Variants in METTL15 observed in about 807,000 individuals in gnomAD.
The protein encoded by METTL15 is methyltransferase 15, mitochondrial 12S rRNA N4-cytidine.
Under a neutral mutation model 38.3 loss-of-function variants are expected in METTL15, and 34 were observed. The ratio of observed to expected loss-of-function variants is 0.89; its 90% CI spans 0.68 to 1.18. The LOEUF is 1.18. METTL15 is among the 50% of genes most tolerant of loss of function. The probability of loss-of-function intolerance (pLI) is 0.00; values close to 1 mark genes in which losing one functional copy is unlikely to be tolerated. For missense variants in METTL15, 438 were observed against 498.4 expected, an observed-to-expected ratio of 0.88 and a Z score of 1.15; for synonymous variants, 162 against 170.9, an observed-to-expected ratio of 0.95 and a Z score of 0.41.
At chr11:28,152,966 C>A (rs747248113) in intron 3 of METTL15, among the ~76,000 whole-genome samples, 34 of 151,968 alleles carry the variant, frequency 2.2e-4, no homozygotes, top group Non-Finnish European at 4.4e-4. Context: ...AACTTCATGA[C>A]GTTGCCATGG....
At chr11:28,158,290 G>T (rs1850333237) in intron 3 of METTL15, among the ~76,000 whole-genome samples, 1 of 152,152 alleles carries the variant, frequency 6.6e-6, no homozygotes. Flanking sequence ...CCGTTCTGTG[G>T]ACACCTTCAG....
chr11:28,219,741 A>G (rs989977517), intron 4 of METTL15, among the ~76,000 whole-genome samples: 2 of 152,072 alleles, frequency 1.3e-5, no homozygotes, highest in South Asian at 2.1e-4. Context: ...AATGTGTCCC[A>G]TAGATTCTGG....
At chr11:28,276,151 A>G (rs941953839) in intron 4 of METTL15, among the ~76,000 whole-genome samples, 109 of 152,190 alleles carry the variant, frequency 7.2e-4, no homozygotes, top group African/African-American at 2.5e-3. Context: ...AAGGAAGTCA[A>G]ATTATTCCTC....
chr11:28,182,733 A>C (rs552715292), intron 3 of METTL15, among the ~76,000 whole-genome samples: 1 of 152,232 alleles, frequency 6.6e-6, no homozygotes, highest in East Asian at 1.9e-4. Context: ...TGTCTTGGCT[A>C]TGCGGGGTCT....
chr11:28,178,565 A>G (rs1851162916), intron 3 of METTL15, among the ~76,000 whole-genome samples: 1 of 151,820 alleles, frequency 6.6e-6, no homozygotes. Flanking sequence ...CTTTCCCTAC[A>G]AGGCCAGATA....
intron 3 of METTL15, among the ~76,000 whole-genome samples, chr11:28,119,974 C>T (rs576979338): frequency 3.3e-5 from 5 of 152,160 alleles, no homozygotes; most frequent in African/African-American, 1.2e-4. Flanking sequence ...TTTTTTGAGA[C>T]GGAGTCTCAC....
At chr11:28,530,613 A>G (rs753974038), downstream of METTL15, among the ~76,000 whole-genome samples, 11 of 152,098 alleles carry the variant, frequency 7.2e-5, no homozygotes, top group Non-Finnish European at 1.3e-4. Context: ...ACATAACGTC[A>G]CTGAACATAC....
chr11:28,122,350 T>G (rs1171874232), intron 3 of METTL15, among the ~76,000 whole-genome samples: 1 of 113,658 alleles, frequency 8.8e-6, no homozygotes, highest in Non-Finnish European at 1.8e-5. Flanking sequence ...TGTGTGTGTG[T>G]GTGTGTGTGT....
chr11:28,397,069 AC>A (rs1278115435), intron 5 of METTL15, among the ~76,000 whole-genome samples: 12 of 152,192 alleles, frequency 7.9e-5, no homozygotes, highest in Non-Finnish European at 1.8e-4. Context: ...TCCCTTCCTT[AC>A]ACTTTATACA....
intron 6 of METTL15, among the ~76,000 whole-genome samples, chr11:28,426,584 G>GC (rs1554923964): frequency 2.4e-5 from 2 of 82,342 alleles, no homozygotes; most frequent in Admixed American, 1.2e-4. Flanking sequence ...GCCAGCATCT[G>GC]TTTTTTTTTT....
chr11:28,355,414 CTTGGTCT>C (rs553519715), intron 4 of METTL15, among the ~76,000 whole-genome samples: 1 of 152,252 alleles, frequency 6.6e-6, no homozygotes, highest in Non-Finnish European at 1.5e-5. Flanking sequence ...GCCAGGTCTT[CTTGGTCT>C]TTGGAGAAGA....
intron 6 of METTL15, among the ~76,000 whole-genome samples, chr11:28,430,389 C>G (rs1361433847): frequency 1.3e-5 from 1 of 79,012 alleles, no homozygotes; most frequent in Admixed American, 1.1e-4. Context: ...GTCAGCCCCC[C>G]GCCCGGCCAG....
chr11:28,122,540 T>A (rs1178608399), intron 3 of METTL15, among the ~76,000 whole-genome samples: 3 of 151,644 alleles, frequency 2.0e-5, no homozygotes, highest in Non-Finnish European at 1.5e-5. Context: ...GGGTTAACAT[T>A]TAAAATATTG....
chr11:28,258,542 G>C (rs1425087194), intron 4 of METTL15, among the ~76,000 whole-genome samples: 1 of 152,096 alleles, frequency 6.6e-6, no homozygotes, highest in Non-Finnish European at 1.5e-5. Flanking sequence ...TTTGAAGTTT[G>C]TCTGGTGTTT....
intron 3 of METTL15, among the ~76,000 whole-genome samples, chr11:28,190,742 G>T (rs754140225): frequency 6.6e-6 from 1 of 151,190 alleles, no homozygotes; most frequent in African/African-American, 2.4e-5. Context: ...AAATTATAAT[G>T]ATAGATGAGG....
chr11:28,368,134 AAAAAAAAAC>A (rs1204456766), intron 5 of METTL15, among the ~76,000 whole-genome samples: 141 of 143,844 alleles, frequency 9.8e-4, no homozygotes, highest in Non-Finnish European at 1.6e-3. Flanking sequence ...ATAGCAAAAA[AAAAAAAAAC>A]AAAAAAAACA....
chr11:28,395,891 A>G (rs182233280), intron 5 of METTL15, among the ~76,000 whole-genome samples: 158 of 152,288 alleles, frequency 1.0e-3, no homozygotes, highest in African/African-American at 3.5e-3. Flanking sequence ...CAAAAAGCTT[A>G]TCCACCATGA....
chr11:28,391,514 C>G (rs983821671), intron 5 of METTL15, among the ~76,000 whole-genome samples: 29 of 152,092 alleles, frequency 1.9e-4, no homozygotes, highest in African/African-American at 7.0e-4. Context: ...CAAGTCAATC[C>G]TAAGCCAAAA....
At chr11:28,214,253 T>G (rs1268040911) in intron 4 of METTL15, among the ~76,000 whole-genome samples, 1 of 151,918 alleles carries the variant, frequency 6.6e-6, no homozygotes, top group Non-Finnish European at 1.5e-5. Context: ...AGGCTGGTCT[T>G]GAACTCCTGA....
Sources: allele counts gnomAD v4.1 joint callset (sites outside exome capture counted in the v4.1 genomes callset), GRCh38; gene constraint gnomAD v4.1.1; transcripts MANE v1.5; gene names NCBI Gene and HGNC (gene_info 2026-07-23, HGNC 2026-07-21).